DNAAF11: variants seen among roughly 807,000 people sequenced by gnomAD.
DNAAF11 encodes the protein leucine rich repeat containing 6.
DNAAF11 carries 45 observed loss-of-function variants against 60.8 expected under a neutral mutation model. That is an observed-to-expected ratio of 0.74 (90% confidence interval 0.58 to 0.95). The LOEUF is 0.95. Ranked by LOEUF, DNAAF11 falls within the 40% of genes least tolerant of loss-of-function variation. The pLI is 0.00. For missense variants in DNAAF11, 546 were observed against 546.2 expected (o/e 1.00, Z 0.00); for synonymous variants, 191 against 183.5 (o/e 1.04, Z -0.33).
the DNAAF11 span, among the ~76,000 whole-genome samples, chr8:132,698,300 A>G: frequency 4.6e-5 from 7 of 152,326 alleles, no homozygotes; most frequent in Middle Eastern, 3.4e-3. Flanking sequence ...CCTGAATTTC[A>G]GAGAGGTTAG....
chr8:132,656,963 T>C, intron 2 of DNAAF11, 56 bp from the exon 3 acceptor site: 1 of 609,018 alleles, frequency 1.6e-6, no homozygotes, highest in Non-Finnish European at 2.9e-6. Context: ...AAGACACTTT[T>C]ATGTAATCTA....
chr8:132,693,032 C>T, the DNAAF11 span, among the ~76,000 whole-genome samples: 1 of 152,196 alleles, frequency 6.6e-6, no homozygotes, highest in Admixed American at 6.5e-5. Flanking sequence ...AACCACATCA[C>T]AACCTGGTGA....
intron 3 of DNAAF11, among the ~76,000 whole-genome samples, chr8:132,643,204 G>A (rs570787323): frequency 3.9e-5 from 6 of 152,200 alleles, no homozygotes; most frequent in Non-Finnish European, 5.9e-5. Flanking sequence ...CCCAGGGTTT[G>A]GGGACCCCTG....
chr8:132,611,226 T>C, intron 9 of DNAAF11, 68 bp downstream of exon 9: 1 of 1,113,382 alleles, frequency 9.0e-7, no homozygotes, highest in East Asian at 2.4e-5. Context: ...TTAAAAACAT[T>C]TGAGGCACCA....
the DNAAF11 span, among the ~76,000 whole-genome samples, chr8:132,700,175 T>C: frequency 6.6e-6 from 1 of 152,194 alleles, no homozygotes; most frequent in African/African-American, 2.4e-5. Context: ...TATTATTTTC[T>C]TTTTTGTAGC....
chr8:132,608,845 A>G (rs2357514), intron 10 of DNAAF11, among the ~76,000 whole-genome samples: 10,767 of 152,212 alleles, frequency 0.071, 1,022 homozygotes, highest in African/African-American at 0.22. Flanking sequence ...TTGACAACAA[A>G]TTGTATTTGC....
At chr8:132,629,803 C>A (rs1373271233) in intron 5 of DNAAF11, among the ~76,000 whole-genome samples, 2 of 152,122 alleles carry the variant, frequency 1.3e-5, no homozygotes, top group African/African-American at 4.8e-5. Flanking sequence ...AGGATTGCCT[C>A]TTTTATAAAG....
chr8:132,611,186 G>A (rs569615098), intron 9 of DNAAF11, 108 bp downstream of exon 9: 34 of 732,952 alleles, frequency 4.6e-5, no homozygotes, highest in African/African-American at 2.5e-4. Context: ...GAGCCACTGC[G>A]CCCGGGCCCT....
Position 132,632,734 on chromosome 8 carries a change from A to C in DNAAF11, c.653+6T>G. On this transcript the variant is annotated splice_donor_region_variant and intron_variant, in intron 5 of 11. Coordinates refer to ENST00000620350, the MANE Select transcript of DNAAF11 (RefSeq NM_012472.6). Reference sequence around the variant, plus strand: ...TAACTAGAAAGTAAACTAATAATTTACATACAGAGTAGCATTGATGTCTGT... The same window carrying C: ...TAACTAGAAAGTAAACTAATAATTTCCATACAGAGTAGCATTGATGTCTGT... 6.3e-7 allele frequency: 1 copy of C among 1,591,114 alleles called. No individual in the cohort carries two copies. Among genetic ancestry groups the C allele is most frequent in the Non-Finnish European group, 8.6e-7 (1 of 1,159,700 alleles).
intron 10 of DNAAF11, among the ~76,000 whole-genome samples, chr8:132,587,236 G>C (rs905051114): frequency 3.9e-5 from 6 of 152,108 alleles, no homozygotes; most frequent in Admixed American, 2.6e-4. Context: ...CTGTGCACCA[G>C]AATCTAAATG....
At chr8:132,610,306 A>C (rs1262766518) in intron 9 of DNAAF11, 45 bp from the exon 10 acceptor site, 2 of 1,289,260 alleles carry the variant, frequency 1.6e-6, no homozygotes, top group Non-Finnish European at 2.3e-6. Context: ...CAAGGACGTT[A>C]CATGAGAGGG....
chr8:132,681,003 C>CTTTTTTTTTTTTTTTTTTT, the DNAAF11 span, among the ~76,000 whole-genome samples: 1 of 52,336 alleles, frequency 1.9e-5, no homozygotes, highest in Non-Finnish European at 3.1e-5. Flanking sequence ...ATAACTATTC[C>CTTTTTTTTTTTTTTTTTTT]TTTTTTTTTT....
At chr8:132,657,030 C>T (rs917166784) in intron 2 of DNAAF11, 123 bp from the exon 3 acceptor site, 4 of 470,146 alleles carry the variant, frequency 8.5e-6, no homozygotes, top group Non-Finnish European at 1.2e-5. Context: ...AAAACCATGT[C>T]ACTTTTCCAA....
chr8:132,630,642 A>AT (rs1317999640), intron 5 of DNAAF11, among the ~76,000 whole-genome samples: 1 of 152,152 alleles, frequency 6.6e-6, no homozygotes, highest in Non-Finnish European at 1.5e-5. Context: ...CAAAGAATGT[A>AT]TTTTTTTATT....
In DNAAF11 at chr8:132,572,399, T is replaced by C. The variant is rs1174889447; in HGVS notation, c.1308A>G (p.Lys436=). ...GTTCAGGTCGTCTTCTGGGTGTGTGTTTTTTCTCTTGAACTATGTTAGTCA... is the reference window on the plus strand; with the variant it reads ...GTTCAGGTCGTCTTCTGGGTGTGTGCTTTTTCTCTTGAACTATGTTAGTCA... ...PDVTNIVQEK[K]HTPRRRPEPK... The change falls in exon 12 of 12, where the codon AAA becomes AAG. Residue 436 remains lysine (K), a synonymous_variant. Transcript: ENST00000620350. The C allele has an allele frequency of 1.2e-6, 2 of 1,613,768 alleles. No individual in the cohort carries two copies. Among genetic ancestry groups the C allele is most frequent in the South Asian group, 2.2e-5 (2 of 91,040 alleles).
At chr8:132,683,804 G>C in the DNAAF11 span, among the ~76,000 whole-genome samples, 1 of 149,728 alleles carries the variant, frequency 6.7e-6, no homozygotes, top group East Asian at 2.0e-4. Context: ...CCAGGTGCCA[G>C]TTTTCTGCTG....
At chr8:132,637,416 G>A (rs1190364554) in intron 4 of DNAAF11, among the ~76,000 whole-genome samples, 1 of 152,070 alleles carries the variant, frequency 6.6e-6, no homozygotes, top group Non-Finnish European at 1.5e-5. Flanking sequence ...GACCAGCCTG[G>A]CCAACATGGT....
Position 132,625,578 on chromosome 8 carries a change from ACT to A in DNAAF11, c.654-126_654-125del, listed in dbSNP as rs986539343. The A allele has an allele frequency of 1.7e-4, 123 of 734,172 alleles. No individual in the cohort carries two copies. In the African/African-American group the frequency reaches 2.1e-3, roughly 12 times the overall value. The allele number at this position is 734,172 out of a possible 1,614,324, so 45.5% of individuals were successfully genotyped here. A position where few individuals can be genotyped will look rare whatever the true frequency, so the allele number is the denominator to read the frequency against. On this transcript the variant is annotated intron_variant, in intron 5 of 11. Coordinates refer to ENST00000620350, the MANE Select transcript of DNAAF11 (RefSeq NM_012472.6). Reference sequence around the variant, plus strand: ...CTTCTTACCTTTGAATGACAAAGTGACTCTGAAAGACAGTTTAACCAGGCCTG... The same window carrying A: ...CTTCTTACCTTTGAATGACAAAGTGACTGAAAGACAGTTTAACCAGGCCTG...
intron 1 of DNAAF11, among the ~76,000 whole-genome samples, chr8:132,672,084 T>A (rs1825243649): frequency 6.6e-6 from 1 of 152,124 alleles, no homozygotes; most frequent in Admixed American, 6.5e-5. Context: ...AGAAAATACT[T>A]GCAAATCATG....
Sources: allele counts gnomAD v4.1 joint callset (sites outside exome capture counted in the v4.1 genomes callset), GRCh38; gene constraint gnomAD v4.1.1; transcripts MANE v1.5; gene names NCBI Gene and HGNC (gene_info 2026-07-23, HGNC 2026-07-21).